The following EARS2 variants were observed in gnomAD, a reference collection of about 807,000 sequenced individuals.
EARS2 encodes the protein nondiscriminating glutamyl-tRNA synthetase EARS2, mitochondrial.
EARS2 carries 50 observed loss-of-function variants against 54.1 expected under a neutral mutation model. The ratio of observed to expected loss-of-function variants is 0.92; its 90% CI spans 0.74 to 1.17. EARS2 has a LOEUF of 1.17. Among genes scored for constraint, EARS2 ranks in the 50% most tolerant of loss-of-function variants. The pLI, the probability that EARS2 is intolerant of heterozygous loss-of-function variation, is 0.00. For missense variants in EARS2, 673 were observed against 675.0 expected (o/e 1.00, Z 0.03); for synonymous variants, 298 against 281.0 (o/e 1.06, Z -0.61).
At chr16:23,524,947 AT>A in intron 8 of EARS2, 1 of 566,524 alleles carries the variant, frequency 1.8e-6, no homozygotes, top group Admixed American at 3.4e-5. Context: ...GCCTGGCCTG[AT>A]TTTCCCATAT....
chr16:23,530,001 C>A, intron 5 of EARS2, 104 bp from the exon 6 acceptor site: 1 of 1,392,436 alleles, frequency 7.2e-7, no homozygotes, highest in Admixed American at 2.3e-5. Context: ...CATATCAGGT[C>A]CCATGAGCCC....
Position 23,525,256 on chromosome 16 carries a change from G to A in EARS2, c.1476C>T (p.Leu492=), listed in dbSNP as rs745574336. 3 of 1,614,178 alleles carry A rather than the reference G, an allele frequency of 1.9e-6. No homozygotes were observed. Among genetic ancestry groups the A allele is most frequent in the South Asian group, 1.1e-5 (1 of 91,076 alleles). Residue 492 remains leucine (L), a synonymous_variant, in exon 8 of 9, where the codon CTC becomes CTT. Transcript: ENST00000449606. ...GTCCCTGCCTCACCTGCTGTCCACT[G>A]AGGGCCATCCGAAGGAGTTTCATCA... The part of the protein sequence containing the change: ...SNVMKLLRMA[L]SGQQQGPPVA...
Position 23,524,352 on chromosome 16 carries a change from T to G in EARS2, c.*19A>C, listed in dbSNP as rs1965188238. 6.2e-7 allele frequency: 1 copy of G among 1,607,932 alleles called. No homozygotes were observed. The highest frequency in any genetic ancestry group is 1.3e-5 in the African/African-American group (1 of 74,780). ...CACAGGTTCTTAGGGCGATCTCCAC[T>G]GCCCGAAACATCCTCTCCCTAGCTG... On this transcript the variant is annotated 3_prime_UTR_variant, in exon 9 of 9. Coordinates refer to ENST00000449606, the MANE Select transcript of EARS2 (RefSeq NM_001083614.2).
Position 23,557,307 on chromosome 16 carries a change from T to C in EARS2, c.37A>G (p.Arg13Gly). 2 of 1,522,780 alleles carry C rather than the reference T, an allele frequency of 1.3e-6. No individual in the cohort carries two copies. Among genetic ancestry groups the C allele is most frequent in the Admixed American group, 2.4e-5 (1 of 42,538 alleles). The allele number at this position is 1,522,780 out of a possible 1,614,324, so 94.3% of individuals were successfully genotyped here. A position where few individuals can be genotyped will look rare whatever the true frequency, so the allele number is the denominator to read the frequency against. The change falls in exon 1 of 9, where the codon AGG (arginine) becomes GGG (glycine). Residue 13 changes from arginine to glycine, a missense_variant. Around this residue, in one of 3 missense-constraint regions of EARS2, gnomAD observed 316 missense variants for 275.2 expected, o/e 1.15. Transcript: ENST00000449606. ...GGGCGGCCAGAGGCCGCCGAAGGCCTCTCGCGCTGCAGCAGTCTCCTCAGG... is the reference window on the plus strand; with the variant it reads ...GGGCGGCCAGAGGCCGCCGAAGGCCCCTCGCGCTGCAGCAGTCTCCTCAGG... Reference protein sequence around the residue: ...ALLRRLLQRERPSAASGRPVG... With the variant: ...ALLRRLLQREGPSAASGRPVG...
At chr16:23,536,678 T>C (rs1010742310) in intron 3 of EARS2, among the ~76,000 whole-genome samples, 2 of 150,548 alleles carry the variant, frequency 1.3e-5, no homozygotes, top group East Asian at 3.9e-4. Context: ...AAAACTTTTT[T>C]TTTCTTTTTT....
chr16:23,541,616 C>T (rs1327774217), intron 3 of EARS2, among the ~76,000 whole-genome samples: 2 of 151,890 alleles, frequency 1.3e-5, no homozygotes, highest in East Asian at 3.9e-4. Context: ...AATTTTAACA[C>T]TGGTTATCTC....
Position 23,544,494 on chromosome 16 carries a change from C to G in EARS2, c.485+20G>C, listed in dbSNP as rs759777442. On this transcript the variant is annotated intron_variant, in intron 3 of 8. Transcript: ENST00000449606. ...ACACCCAATGTTGATGAGGCATCTG[C>G]AACAAGCTGAGGTTCTTACCGGGGC... is the stretch of plus-strand genomic sequence containing the variant. 1.3e-5 allele frequency: 21 copies of G among 1,607,394 alleles called. No individual in the cohort carries two copies. In the East Asian group the frequency reaches 4.7e-4, roughly 36 times the overall value.
chr16:23,529,580 C>A lies in EARS2; in HGVS notation c.1274G>T (p.Trp425Leu), dbSNP rs759251896. ...DLVSPVYSYL[W>L]TRPAVGRAQL... ...TGCTCGACCTACTGCAGGGCGAGTC[C>A]ACAGGTAAGAGTATACTGGGGACAC... The change falls in exon 7 of 9, where the codon TGG becomes TTG. Residue 425 changes from tryptophan to leucine, a missense_variant. Transcript: ENST00000449606. 3 of 1,614,156 alleles carry A rather than the reference C, an allele frequency of 1.9e-6. No individual in the cohort carries two copies. Among genetic ancestry groups the A allele is most frequent in the South Asian group, 2.2e-5 (2 of 91,080 alleles).
intron 2 of EARS2, among the ~76,000 whole-genome samples, chr16:23,545,527 C>A (rs1040176781): frequency 6.6e-6 from 1 of 152,196 alleles, no homozygotes; most frequent in African/African-American, 2.4e-5. Flanking sequence ...GTTATTCCCC[C>A]ACTCTGTGAG....
intron 2 of EARS2, chr16:23,546,357 T>G (rs996772012): frequency 8.8e-6 from 4 of 455,638 alleles, no homozygotes; most frequent in Non-Finnish European, 1.8e-5. Flanking sequence ...CAAACTGAGC[T>G]GAGTGGGCCT....
At chr16:23,544,458 A>C in intron 3 of EARS2, 56 bp downstream of exon 3, 1 of 1,531,258 alleles carries the variant, frequency 6.5e-7, no homozygotes, top group South Asian at 1.2e-5. Flanking sequence ...ACGCAGCACA[A>C]GGTAACAAAC....
At chr16:23,554,989 C>T (rs997795397) in intron 1 of EARS2, among the ~76,000 whole-genome samples, 1 of 152,194 alleles carries the variant, frequency 6.6e-6, no homozygotes, top group African/African-American at 2.4e-5. Flanking sequence ...AGTCAAAAGC[C>T]TTTCCCACAT....
Position 23,529,492 on chromosome 16 carries a change from G to T in EARS2, c.1352+10C>A. Reference sequence around the variant, plus strand: ...GTGTGGAACCCTGAGCTCAGCCTGCGGGTACTCACCCCAGCACACGCTTGG... The same window carrying T: ...GTGTGGAACCCTGAGCTCAGCCTGCTGGTACTCACCCCAGCACACGCTTGG... On this transcript the variant is annotated intron_variant, in intron 7 of 8. Transcript: ENST00000449606. 1 of 1,612,556 alleles carries T rather than the reference G, an allele frequency of 6.2e-7. No individual in the cohort carries two copies. The highest frequency in any genetic ancestry group is 1.1e-5 in the South Asian group (1 of 90,808).
intron 3 of EARS2, among the ~76,000 whole-genome samples, chr16:23,536,865 T>C (rs1473140559): frequency 1.3e-5 from 2 of 151,796 alleles, no homozygotes; most frequent in Non-Finnish European, 2.9e-5. Context: ...ATATTTTTAG[T>C]AGAAATGGGG....
chr16:23,557,175 G>A (rs374663971), intron 1 of EARS2, 30 bp downstream of exon 1: 2 of 1,504,180 alleles, frequency 1.3e-6, no homozygotes, highest in Non-Finnish European at 1.8e-6. Context: ...AGGGGGCCTC[G>A]GCCTGTAGCG....
chr16:23,553,054 G>T, intron 1 of EARS2: 1 of 401,814 alleles, frequency 2.5e-6, no homozygotes, highest in Non-Finnish European at 5.1e-6. Context: ...CTGAGCCTGG[G>T]GACGCTGAGG....
chr16:23,541,481 A>G (rs1965510663), intron 3 of EARS2, among the ~76,000 whole-genome samples: 1 of 152,236 alleles, frequency 6.6e-6, no homozygotes, highest in Non-Finnish European at 1.5e-5. Flanking sequence ...GTAAGCGGAC[A>G]TGGTAAATTG....
In EARS2 at chr16:23,532,699, T is replaced by G. The variant is rs1334577385; in HGVS notation, c.1025A>C (p.His342Pro). The G allele has an allele frequency of 6.2e-7, 1 of 1,613,996 alleles. No homozygotes were observed. The highest frequency in any genetic ancestry group is 8.5e-7 in the Non-Finnish European group (1 of 1,179,998). ...TQFNLTQVTC[H>P]SALLDLEKLP... ...CTTCTCCAGGTCCAGCAGGGCTGAG[T>G]GACAGGTGACCTGTGTCAGGTTGAA... is the stretch of plus-strand genomic sequence containing the variant. The change falls in exon 5 of 9, where the codon CAC becomes CCC. Residue 342 changes from histidine (H) to proline (P), a missense_variant. By Grantham distance (77) the His-to-Pro change is moderately conservative (BLOSUM62 -2). Transcript: ENST00000449606.
At chr16:23,549,753 ACCTGGCAAG>A (rs979579381) in intron 2 of EARS2, among the ~76,000 whole-genome samples, 42 of 152,144 alleles carry the variant, frequency 2.8e-4, no homozygotes, top group African/African-American at 9.6e-4. Flanking sequence ...CCTGTGCCCG[ACCTGGCAAG>A]CCTTCTATCC....
Sources: allele counts gnomAD v4.1 joint callset (sites outside exome capture counted in the v4.1 genomes callset), GRCh38; gene constraint gnomAD v4.1.1; regional missense constraint gnomAD v4.1.1; transcripts MANE v1.5; gene names NCBI Gene and HGNC (gene_info 2026-07-23, HGNC 2026-07-21).